The following HECTD4 variants were observed in gnomAD, a reference collection of about 807,000 sequenced individuals.
HECTD4 encodes the protein probable E3 ubiquitin-protein ligase HECTD4.
A neutral mutation model predicts 471.5 loss-of-function variants in HECTD4; 114 were observed. The ratio of observed to expected loss-of-function variants is 0.24; its 90% confidence interval spans 0.21 to 0.28. The LOEUF (loss-of-function observed/expected upper bound fraction) is 0.28. Among genes scored for constraint, HECTD4 ranks in the 10% least tolerant of loss-of-function variants. The pLI, the probability that HECTD4 is intolerant of heterozygous loss-of-function variation, is 1.00. For missense variants in HECTD4, 3,866 were observed against 5,651.5 expected, an observed-to-expected ratio of 0.68 and a Z score of 10.13; for synonymous variants, 2,012 against 2,256.0, an observed-to-expected ratio of 0.89 and a Z score of 3.07.
At chr12:112,336,229 GT>G (rs1161764289) in intron 1 of HECTD4, among the ~76,000 whole-genome samples, 2 of 152,090 alleles carry the variant, frequency 1.3e-5, no homozygotes, top group African/African-American at 4.8e-5. Flanking sequence ...AAGAATTATA[GT>G]TTAAAAAACA....
At chr12:112,298,700 C>T (rs6489836) in intron 7 of HECTD4, among the ~76,000 whole-genome samples, 23,396 of 151,150 alleles carry the variant, frequency 0.15, 2,416 homozygotes, top group African/African-American at 0.3. Context: ...CTGGCCAACA[C>T]GGTGAAACTC....
At position 112,283,958 on chromosome 12, in the gene HECTD4, T is replaced by C. The variant is rs11066234; in HGVS notation, c.1336-656A>G. Among the ~76,000 whole-genome samples the C allele has an allele frequency of 5.1e-3, 766 of 151,262 alleles. 4 individuals are homozygous for C. Among genetic ancestry groups the C allele is most frequent in the African/African-American group, 0.016 (664 of 41,354 alleles). On this transcript the variant is annotated intron_variant, in intron 7 of 75. Coordinates refer to ENST00000682272, the MANE Select transcript of HECTD4 (RefSeq NM_001388303.1). Reference sequence around the variant, plus strand: ...CCACCTGGTTTTCTTCTTTCTTCTTTTTTTTTTTTTTTTTCTTTTTCCACC... The same window carrying C: ...CCACCTGGTTTTCTTCTTTCTTCTTCTTTTTTTTTTTTTTCTTTTTCCACC...
chr12:112,185,731 G>A (rs1033988099), intron 60 of HECTD4, among the ~76,000 whole-genome samples: 8 of 152,220 alleles, frequency 5.3e-5, no homozygotes, highest in Admixed American at 2.6e-4. Context: ...CAGAGGTGAC[G>A]GCTTTGACCC....
intron 23 of HECTD4, 95 bp downstream of exon 23, chr12:112,252,329 T>C: frequency 8.0e-7 from 1 of 1,249,798 alleles, no homozygotes; most frequent in South Asian, 1.8e-5. Flanking sequence ...GAGTGACTCA[T>C]ATTCTGCCCT....
intron 25 of HECTD4, 26 bp downstream of exon 25, chr12:112,250,118 A>G (rs2033848339): frequency 6.4e-7 from 1 of 1,554,678 alleles, no homozygotes; most frequent in Non-Finnish European, 8.8e-7. Context: ...CCATTGGGAA[A>G]AGTAAAACAC....
chr12:112,230,675 C>A lies in HECTD4; in HGVS notation c.6336+12G>T. 6.2e-7 allele frequency: 1 copy of A among 1,603,638 alleles called. No homozygotes were observed. Among genetic ancestry groups the A allele is most frequent in the Non-Finnish European group, 8.5e-7 (1 of 1,174,518 alleles). ...TCTTATTTTCTCAGTTGAGTAGCAA[C>A]ACTGCGCTAACCTTCTCTGCTGTTG... On this transcript the variant is annotated intron_variant, in intron 40 of 75. Transcript: ENST00000682272.
intron 4 of HECTD4, among the ~76,000 whole-genome samples, chr12:112,311,760 T>C (rs1022609545): frequency 1.3e-5 from 2 of 152,012 alleles, no homozygotes; most frequent in African/African-American, 4.8e-5. Context: ...AGTGAGAAAC[T>C]ACCCCAAGGG....
intron 1 of HECTD4, among the ~76,000 whole-genome samples, chr12:112,374,430 T>C (rs2036741621): frequency 1.3e-5 from 2 of 152,210 alleles, no homozygotes; most frequent in Admixed American, 1.3e-4. Flanking sequence ...AACCTGACTT[T>C]AACTTCAAGG....
chr12:112,295,414 G>A lies in HECTD4; in HGVS notation c.1335+10650C>T, dbSNP rs142424509. Reference sequence around the variant, plus strand: ...AGGGTCTTACTCTGTCACCCAGGCTGGAATGCAGTGGTGCAATCCTAGCTC... The same window carrying A: ...AGGGTCTTACTCTGTCACCCAGGCTAGAATGCAGTGGTGCAATCCTAGCTC... On this transcript the variant is annotated intron_variant, in intron 7 of 75. Coordinates refer to ENST00000682272, the MANE Select transcript of HECTD4 (RefSeq NM_001388303.1). 1.3e-3 allele frequency among the ~76,000 whole-genome samples: 198 copies of A among 150,876 alleles called. 1 individual carries two copies. The highest frequency in any genetic ancestry group is 4.6e-3 in the African/African-American group (187 of 40,988).
chr12:112,358,184 T>C (rs527474818), intron 1 of HECTD4, among the ~76,000 whole-genome samples: 17 of 152,286 alleles, frequency 1.1e-4, no homozygotes, highest in African/African-American at 3.1e-4. Flanking sequence ...AGCCTGGTGA[T>C]AGAGCAAGAT....
intron 54 of HECTD4, among the ~76,000 whole-genome samples, chr12:112,201,977 C>G (rs1025405413): frequency 1.3e-5 from 2 of 152,070 alleles, no homozygotes; most frequent in Admixed American, 6.6e-5. Flanking sequence ...AAGGACAATT[C>G]TATTTTTCTA....
intron 61 of HECTD4, among the ~76,000 whole-genome samples, chr12:112,183,954 G>T (rs142488233): frequency 6.6e-6 from 1 of 152,162 alleles, no homozygotes; most frequent in Non-Finnish European, 1.5e-5. Context: ...CACCCACCGC[G>T]GAAGGCCAGG....
chr12:112,258,881 C>G (rs2034083666), intron 19 of HECTD4: 2 of 555,686 alleles, frequency 3.6e-6, no homozygotes, highest in Non-Finnish European at 6.2e-6. Context: ...TATAGCTGAT[C>G]AGCCATGAAC....
Position 112,185,011 on chromosome 12 carries a change from G to C in HECTD4, c.9955C>G (p.Arg3319Gly), listed in dbSNP as rs745499085. Reference protein sequence around the residue: ...LSKRKKVKMKREKASSSGKRQ... With the variant: ...LSKRKKVKMKGEKASSSGKRQ... The stretch of plus-strand genomic sequence containing the variant: ...TTGCCCGACGAGGAGGCCTTTTCCC[G>C]CTTCATCTTGACTTTTTTCCTCTTG... Residue 3319 changes from arginine (R) to glycine (G), a missense_variant, in exon 61 of 76, where the codon CGG becomes GGG. By Grantham distance (125) the Arg-to-Gly change is moderately radical. This residue lies in a region of HECTD4 where 57 missense variants were observed against 49.8 expected (regional missense o/e 1.14). Coordinates refer to ENST00000682272, the MANE Select transcript of HECTD4 (RefSeq NM_001388303.1). 1 of 1,606,292 alleles carries C rather than the reference G, an allele frequency of 6.2e-7. No homozygotes were observed. The highest frequency in any genetic ancestry group is 8.5e-7 in the Non-Finnish European group (1 of 1,176,532).
At chr12:112,225,752 T>C (rs1301792002) in intron 44 of HECTD4, among the ~76,000 whole-genome samples, 1 of 152,080 alleles carries the variant, frequency 6.6e-6, no homozygotes, top group African/African-American at 2.4e-5. Flanking sequence ...ACAAGGATGA[T>C]CTTTATGGGA....
chr12:112,261,505 G>A, intron 17 of HECTD4, 76 bp from the exon 18 acceptor site: 1 of 1,349,988 alleles, frequency 7.4e-7, no homozygotes, highest in Non-Finnish European at 1.0e-6. Context: ...ATGAAATGAT[G>A]TATTTAATGA....
chr12:112,229,914 A>G (rs2135565296), intron 40 of HECTD4, 34 bp from the exon 41 acceptor site: 1 of 1,571,140 alleles, frequency 6.4e-7, no homozygotes. Flanking sequence ...ACTAGGAGTT[A>G]AAGCTTTGGT....
intron 60 of HECTD4, among the ~76,000 whole-genome samples, chr12:112,190,045 C>T (rs1163088337): frequency 3.9e-5 from 6 of 152,040 alleles, no homozygotes; most frequent in African/African-American, 1.5e-4. Flanking sequence ...TGAGCCACTG[C>T]GTCTGGCCCG....
rs1566091576 is a variant in HECTD4, at chr12:112,263,707, T to TATATATA, written c.2748+376_2748+377insTATATAT. 0.012 allele frequency among the ~76,000 whole-genome samples: 1,691 copies of TATATATA among 137,386 alleles called. 245 individuals are homozygous for TATATATA. The East Asian group carries it at 0.35, about 29-fold the overall frequency. 90.1% of individuals were successfully genotyped at this position (137,386 alleles called of 152,430 possible). Reference sequence around the variant, plus strand: ...AAATTATTTAATGCTCCCAAGATTTTTATATATATATATATATACACACAC... The same window carrying TATATATA: ...AAATTATTTAATGCTCCCAAGATTTTATATATATATATATATATATATATACACACAC... On this transcript the variant is annotated intron_variant, in intron 17 of 75. Transcript: ENST00000682272.
Sources: allele counts gnomAD v4.1 joint callset (sites outside exome capture counted in the v4.1 genomes callset), GRCh38; gene constraint gnomAD v4.1.1; regional missense constraint gnomAD v4.1.1; transcripts MANE v1.5; gene names NCBI Gene and HGNC (gene_info 2026-07-23, HGNC 2026-07-21).